Variants in CLHC1 observed in about 807,000 individuals in gnomAD.
The protein encoded by CLHC1 is clathrin heavy chain linker domain containing 1.
A neutral mutation model predicts 69.5 loss-of-function variants in CLHC1; 72 were observed. That is an observed-to-expected ratio of 1.04 (90% CI 0.86 to 1.26). CLHC1 has a LOEUF of 1.26. CLHC1 is among the 50% of genes most tolerant of loss of function. The pLI, the probability that CLHC1 is intolerant of heterozygous loss-of-function variation, is 0.00. For missense variants in CLHC1, 790 were observed against 679.3 expected, an observed-to-expected ratio of 1.16 and a Z score of -1.81; for synonymous variants, 223 against 224.3, an observed-to-expected ratio of 0.99 and a Z score of 0.05.
At chr2:55,192,480 T>C (rs1028055656) in intron 9 of CLHC1, among the ~76,000 whole-genome samples, 1 of 152,090 alleles carries the variant, frequency 6.6e-6, no homozygotes, top group Non-Finnish European at 1.5e-5. Context: ...ATCTTATATA[T>C]GAAGACACTA....
intron 3 of CLHC1, 151 bp from the exon 4 acceptor site, chr2:55,218,149 G>A (rs1331046299): frequency 4.5e-6 from 2 of 446,432 alleles, no homozygotes; most frequent in African/African-American, 2.0e-5. Flanking sequence ...AAACATAATT[G>A]GACACTAAAG....
At position 55,222,263 on chromosome 2, in the gene CLHC1, T is replaced by C. The variant is rs756456537; in HGVS notation, c.149A>G (p.Tyr50Cys). The change falls in exon 3 of 13, where the codon TAC becomes TGC. Residue 50 changes from tyrosine to cysteine, a missense_variant. Physicochemically the swap from Tyr to Cys is radical, Grantham distance 194 (BLOSUM62 -2). Coordinates refer to ENST00000401408, the MANE Select transcript of CLHC1 (RefSeq NM_152385.4). ...ATCAAAAACATTTCGGTATATGATG[T>C]AATATTCATCAGCAGGTCCTTCCTC... is the stretch of plus-strand genomic sequence containing the variant. The part of the protein sequence containing the change: ...CSEEGPADEY[Y>C]IIYRNVFDKV... The C allele has an allele frequency of 1.2e-6, 2 of 1,613,256 alleles. No individual in the cohort carries two copies. Among genetic ancestry groups the C allele is most frequent in the Non-Finnish European group, 8.5e-7 (1 of 1,179,366 alleles).
intron 9 of CLHC1, among the ~76,000 whole-genome samples, chr2:55,188,941 T>C (rs1260721256): frequency 6.6e-6 from 1 of 152,206 alleles, no homozygotes; most frequent in African/African-American, 2.4e-5. Flanking sequence ...CAGCTGCCTA[T>C]CTCAGTAAAT....
intron 9 of CLHC1, 53 bp from the exon 10 acceptor site, chr2:55,181,797 T>A: frequency 7.3e-7 from 1 of 1,365,480 alleles, no homozygotes; most frequent in Non-Finnish European, 1.0e-6. Flanking sequence ...ATAGTTTGCT[T>A]TTTCTTATCT....
chr2:55,221,684 C>A (rs566160138), intron 3 of CLHC1, among the ~76,000 whole-genome samples: 33 of 152,290 alleles, frequency 2.2e-4, no homozygotes, highest in African/African-American at 7.5e-4. Context: ...TGATCAAAAA[C>A]TGATAGTCTG....
chr2:55,197,033 T>C (rs1407551138), intron 9 of CLHC1, among the ~76,000 whole-genome samples: 1 of 152,136 alleles, frequency 6.6e-6, no homozygotes, highest in Non-Finnish European at 1.5e-5. Flanking sequence ...GCTTTGGGCC[T>C]TGACTGAACA....
intron 8 of CLHC1, among the ~76,000 whole-genome samples, chr2:55,207,312 A>G (rs1232108653): frequency 6.6e-6 from 1 of 152,192 alleles, no homozygotes; most frequent in African/African-American, 2.4e-5. Flanking sequence ...CTCACAATTA[A>G]TAAAACTATG....
At chr2:55,187,248 C>T (rs969056219) in intron 9 of CLHC1, among the ~76,000 whole-genome samples, 7 of 150,222 alleles carry the variant, frequency 4.7e-5, no homozygotes, top group African/African-American at 7.5e-5. Context: ...CATTGCACTC[C>T]AGCTTCGGCA....
At chr2:55,212,498 G>C (rs1673103221) in intron 5 of CLHC1, among the ~76,000 whole-genome samples, 175 bp downstream of exon 5, 1 of 152,176 alleles carries the variant, frequency 6.6e-6, no homozygotes, top group Non-Finnish European at 1.5e-5. Context: ...CAATCTTTTA[G>C]AGTTCGTTTT....
chr2:55,196,773 G>A (rs1671462401), intron 9 of CLHC1, among the ~76,000 whole-genome samples: 1 of 152,176 alleles, frequency 6.6e-6, no homozygotes, highest in Admixed American at 6.5e-5. Context: ...ATTCCCAGCT[G>A]TAATGGCTAT....
At chr2:55,185,361 T>A (rs1670325739) in intron 9 of CLHC1, among the ~76,000 whole-genome samples, 1 of 152,168 alleles carries the variant, frequency 6.6e-6, no homozygotes, top group Non-Finnish European at 1.5e-5. Context: ...CCCAGTCAGA[T>A]GATACCCCCT....
intron 9 of CLHC1, among the ~76,000 whole-genome samples, chr2:55,183,394 T>C (rs1437853209): frequency 6.6e-6 from 1 of 152,186 alleles, no homozygotes; most frequent in East Asian, 1.9e-4. Flanking sequence ...CGAGGAAGAA[T>C]AAAGTTGTTT....
rs1558430903 is a variant in CLHC1 at position 55,173,695 on chromosome 2, T to C, written c.*2095A>G. On this transcript the variant is annotated 3_prime_UTR_variant, in exon 13 of 13. Transcript: ENST00000401408. ...CTCTGTAGCTCACAACTCAATTCTT[T>C]CTCCTTCCTCATTTAACTTTGTAAT... Among the ~76,000 whole-genome samples the C allele has an allele frequency of 6.6e-6, 1 of 152,188 alleles. No individual in the cohort carries two copies. Among genetic ancestry groups the C allele is most frequent in the Non-Finnish European group, 1.5e-5 (1 of 68,036 alleles).
At chr2:55,182,122 T>C (rs953708174) in intron 9 of CLHC1, among the ~76,000 whole-genome samples, 5 of 152,052 alleles carry the variant, frequency 3.3e-5, no homozygotes, top group African/African-American at 1.2e-4. Flanking sequence ...ATTTTTCTTT[T>C]AAGTAATAGG....
chr2:55,210,316 C>A (rs1379459425), intron 5 of CLHC1, among the ~76,000 whole-genome samples: 1 of 152,094 alleles, frequency 6.6e-6, no homozygotes, highest in Non-Finnish European at 1.5e-5. Flanking sequence ...CCTGCCTCAA[C>A]TTCTGAGTAG....
At chr2:55,194,935 G>C (rs1282493890) in intron 9 of CLHC1, among the ~76,000 whole-genome samples, 1 of 150,370 alleles carries the variant, frequency 6.7e-6, no homozygotes, top group Admixed American at 6.6e-5. Context: ...CTTTTTTTTG[G>C]GGGATGGGGT....
intron 5 of CLHC1, among the ~76,000 whole-genome samples, chr2:55,211,787 G>A (rs750935703): frequency 6.6e-5 from 10 of 151,904 alleles, no homozygotes; most frequent in Admixed American, 1.3e-4. Flanking sequence ...TCCACTCATC[G>A]TAAAAACCTC....
At chr2:55,188,015 A>T (rs1159834479) in intron 9 of CLHC1, among the ~76,000 whole-genome samples, 1 of 152,178 alleles carries the variant, frequency 6.6e-6, no homozygotes, top group Non-Finnish European at 1.5e-5. Context: ...GGAAATCCAA[A>T]TACAAAGATA....
intron 5 of CLHC1, 69 bp from the exon 6 acceptor site, chr2:55,209,900 C>A: frequency 1.0e-6 from 1 of 955,604 alleles, no homozygotes; most frequent in Non-Finnish European, 1.6e-6. Context: ...AAGAGCAAGT[C>A]TTAGAAAGAC....
Sources: allele counts gnomAD v4.1 joint callset (sites outside exome capture counted in the v4.1 genomes callset), GRCh38; gene constraint gnomAD v4.1.1; transcripts MANE v1.5; gene names NCBI Gene and HGNC (gene_info 2026-07-23, HGNC 2026-07-21).